Variants in LRRTM4 observed in about 807,000 individuals in gnomAD.
LRRTM4 encodes the protein leucine-rich repeat transmembrane neuronal protein 4.
A neutral mutation model predicts 47.6 loss-of-function variants in LRRTM4; 25 were observed. The observed-to-expected ratio is 0.53, with a 90% CI of 0.38 to 0.73. The LOEUF (loss-of-function observed/expected upper bound fraction) is 0.73, where lower values mean the gene tolerates loss of function less well. LRRTM4 is among the 30% of genes least tolerant of loss of function. The pLI is 0.00. For synonymous variants in LRRTM4, 311 were observed against 269.5 expected, an observed-to-expected ratio of 1.15 and a Z score of -1.51; for missense variants, 638 against 713.4, an observed-to-expected ratio of 0.89 and a Z score of 1.20.
intron 3 of LRRTM4, among the ~76,000 whole-genome samples, chr2:76,811,610 GGTGA>G (rs1670736391): frequency 6.6e-6 from 1 of 152,144 alleles, no homozygotes; most frequent in African/African-American, 2.4e-5. Context: ...CATGTCAGCA[GGTGA>G]GTGTGTTTAT....
At chr2:77,413,319 C>T (rs757285816) in intron 3 of LRRTM4, among the ~76,000 whole-genome samples, 215 of 152,284 alleles carry the variant, frequency 1.4e-3, no homozygotes, top group Middle Eastern at 3.4e-3. Flanking sequence ...AGATCCATGT[C>T]TCAGGGCCCT....
chr2:77,143,489 T>A (rs1462205936), intron 3 of LRRTM4, among the ~76,000 whole-genome samples: 1 of 152,186 alleles, frequency 6.6e-6, no homozygotes, highest in Admixed American at 6.5e-5. Flanking sequence ...AAAGATGATA[T>A]CAAGAATATA....
intron 3 of LRRTM4, among the ~76,000 whole-genome samples, chr2:76,920,442 C>T (rs1243278303): frequency 1.3e-5 from 2 of 151,972 alleles, no homozygotes; most frequent in Non-Finnish European, 2.9e-5. Context: ...GTGTAATTTC[C>T]TATAGAATTC....
At chr2:76,790,042 T>A (rs1674892229) in intron 3 of LRRTM4, among the ~76,000 whole-genome samples, 1 of 152,164 alleles carries the variant, frequency 6.6e-6, no homozygotes, top group South Asian at 2.1e-4. Flanking sequence ...TCCCTCTTGT[T>A]CATTCCTTCT....
chr2:77,057,380 C>T lies in LRRTM4; in HGVS notation c.1552-308464G>A, dbSNP rs373341133. 4.6e-5 allele frequency among the ~76,000 whole-genome samples: 7 copies of T among 152,002 alleles called. No individual in the cohort carries two copies. In the South Asian group the frequency reaches 6.2e-4, roughly 13 times the overall value. On this transcript the variant is annotated intron_variant, in intron 3 of 3. Coordinates refer to ENST00000409884, the MANE Select transcript of LRRTM4 (RefSeq NM_001134745.3). ...ATTGAAAGCAATTGTGATATGTGTG[C>T]GAAAATGCTTTGAAACCTGGAACAA...
intron 3 of LRRTM4, among the ~76,000 whole-genome samples, chr2:77,022,104 A>T (rs1407084417): frequency 6.6e-6 from 1 of 152,198 alleles, no homozygotes; most frequent in Non-Finnish European, 1.5e-5. Flanking sequence ...GGGAGGCCTC[A>T]GAATCATGGC....
intron 3 of LRRTM4, among the ~76,000 whole-genome samples, chr2:77,474,231 G>A (rs1677293617): frequency 1.3e-5 from 2 of 151,982 alleles, no homozygotes; most frequent in African/African-American, 2.4e-5. Flanking sequence ...GGGAAGATGA[G>A]AGAGAGAAAG....
intron 3 of LRRTM4, among the ~76,000 whole-genome samples, chr2:76,801,026 C>T (rs13393495): frequency 7.1e-5 from 10 of 140,684 alleles, no homozygotes; most frequent in Non-Finnish European, 1.2e-4. Flanking sequence ...GGTGCTGGAG[C>T]GGATGTGGAG....
chr2:77,189,724 G>A (rs1030085434), intron 3 of LRRTM4, among the ~76,000 whole-genome samples: 2 of 151,532 alleles, frequency 1.3e-5, no homozygotes, highest in African/African-American at 4.9e-5. Flanking sequence ...ATAGAAGCCT[G>A]AACTTACTTT....
At chr2:77,182,228 A>G (rs1005477868) in intron 3 of LRRTM4, among the ~76,000 whole-genome samples, 2 of 152,210 alleles carry the variant, frequency 1.3e-5, no homozygotes, top group African/African-American at 4.8e-5. Flanking sequence ...ACACCATGGA[A>G]TACTATGCAG....
chr2:77,001,620 A>T (rs1558789748), intron 3 of LRRTM4, among the ~76,000 whole-genome samples: 1 of 152,092 alleles, frequency 6.6e-6, no homozygotes, highest in Non-Finnish European at 1.5e-5. Context: ...CCTTATAGCC[A>T]CTTTTCTATA....
intron 3 of LRRTM4, among the ~76,000 whole-genome samples, chr2:77,307,077 T>C (rs1043940584): frequency 2.6e-5 from 4 of 151,428 alleles, no homozygotes; most frequent in Admixed American, 2.6e-4. Context: ...TTTTTTGTAT[T>C]GTTTAGTAGA....
chr2:76,858,903 A>C (rs1057022666), intron 3 of LRRTM4, among the ~76,000 whole-genome samples: 1 of 152,074 alleles, frequency 6.6e-6, no homozygotes, highest in Non-Finnish European at 1.5e-5. Context: ...GAACTTCAAG[A>C]CTCTGGTACA....
At chr2:77,511,243 G>C (rs990131448) in intron 3 of LRRTM4, among the ~76,000 whole-genome samples, 2 of 151,884 alleles carry the variant, frequency 1.3e-5, no homozygotes, top group Admixed American at 6.6e-5. Flanking sequence ...ATATAAACTG[G>C]ATAAGTTAGT....
intron 3 of LRRTM4, among the ~76,000 whole-genome samples, chr2:77,380,996 G>C (rs563724042): frequency 6.6e-6 from 1 of 152,102 alleles, no homozygotes; most frequent in South Asian, 2.1e-4. Flanking sequence ...AAAACAACTA[G>C]TGGCAGTTTA....
intron 3 of LRRTM4, among the ~76,000 whole-genome samples, chr2:77,172,440 C>T (rs1336317481): frequency 6.6e-6 from 1 of 151,926 alleles, no homozygotes; most frequent in East Asian, 1.9e-4. Flanking sequence ...AGTAAAAATA[C>T]AAAACTAGCC....
chr2:76,995,800 C>G (rs1677180421), intron 3 of LRRTM4, among the ~76,000 whole-genome samples: 1 of 152,028 alleles, frequency 6.6e-6, no homozygotes, highest in African/African-American at 2.4e-5. Flanking sequence ...CTGGAAACAA[C>G]TAGACACACA....
intron 3 of LRRTM4, among the ~76,000 whole-genome samples, chr2:76,847,358 T>A (rs1294807790): frequency 4.6e-5 from 7 of 152,128 alleles, no homozygotes; most frequent in African/African-American, 1.7e-4. Flanking sequence ...TATTTAAAAA[T>A]TTTGAAAAGA....
intron 3 of LRRTM4, among the ~76,000 whole-genome samples, chr2:77,033,241 T>C (rs907546560): frequency 2.0e-5 from 3 of 152,014 alleles, no homozygotes; most frequent in Admixed American, 6.6e-5. Flanking sequence ...CATTGTCACA[T>C]GCATTTATTA....
Sources: gnomAD v4.1 joint callset for allele counts (sites outside exome capture counted in the v4.1 genomes callset) on GRCh38, gnomAD v4.1.1 for gene constraint, MANE v1.5 for transcripts, NCBI Gene and HGNC (gene_info 2026-07-23, HGNC 2026-07-21) for gene names.